Variants in CCNY observed in about 807,000 individuals in gnomAD.
The protein encoded by CCNY is cyclin-Y.
A neutral mutation model predicts 42.8 loss-of-function variants in CCNY; 19 were observed. That is an observed-to-expected ratio of 0.44 (90% CI 0.31 to 0.65). The LOEUF (loss-of-function observed/expected upper bound fraction) is 0.65. CCNY is among the 30% of genes least tolerant of loss of function. CCNY has a pLI of 0.07. For missense variants in CCNY, 370 were observed against 437.3 expected (o/e 0.85, Z 1.37); for synonymous variants, 165 against 162.7 (o/e 1.01, Z -0.11).
chr10:35,350,289 A>G (rs1011211773), intron 1 of CCNY, among the ~76,000 whole-genome samples: 1 of 152,006 alleles, frequency 6.6e-6, no homozygotes, highest in African/African-American at 2.4e-5. Flanking sequence ...TTTTTATTGA[A>G]AGAGTAGTAA....
chr10:35,327,244 T>C (rs1000177795), intron 3 of CCNY, among the ~76,000 whole-genome samples: 4 of 152,172 alleles, frequency 2.6e-5, no homozygotes, highest in African/African-American at 9.7e-5. Context: ...CCTAAAAACA[T>C]CTCTTTGCAT....
intron 3 of CCNY, among the ~76,000 whole-genome samples, chr10:35,315,671 G>A (rs1240227944): frequency 6.6e-6 from 1 of 152,150 alleles, no homozygotes; most frequent in Non-Finnish European, 1.5e-5. Flanking sequence ...TAAGTTCTTT[G>A]AGGAATTGCC....
chr10:35,466,505 T>C (rs1232351822), intron 1 of CCNY, among the ~76,000 whole-genome samples: 1 of 152,086 alleles, frequency 6.6e-6, no homozygotes, highest in East Asian at 1.9e-4. Flanking sequence ...CCAGTCCCAG[T>C]GTTGTGAATT....
intron 1 of CCNY, among the ~76,000 whole-genome samples, chr10:35,457,827 G>A (rs1589133768): frequency 2.0e-5 from 3 of 152,022 alleles, no homozygotes; most frequent in Admixed American, 6.6e-5. Flanking sequence ...TGATCCACCC[G>A]CCTCGGCCTC....
intron 3 of CCNY, among the ~76,000 whole-genome samples, chr10:35,302,188 C>T (rs1259263405): frequency 1.3e-5 from 2 of 150,456 alleles, no homozygotes; most frequent in African/African-American, 4.9e-5. Context: ...GTCTCGATCT[C>T]CTGACCTCAT....
In CCNY at chr10:35,403,028, A is replaced by G. The variant is rs1413746549; in HGVS notation, c.154+65821A>G. Among the ~76,000 whole-genome samples the G allele has an allele frequency of 2.0e-5, 3 of 149,226 alleles. No homozygotes were observed. In the East Asian group the frequency reaches 6.2e-4, roughly 31 times the overall value. On this transcript the variant is annotated intron_variant, in intron 1 of 9. Coordinates refer to ENST00000374704, the MANE Select transcript of CCNY (RefSeq NM_145012.6). ...TCTAGTGAAAGTGTCTACCCTGACCAAGTGGTATTTTGGTTTCCTGACTCC... is the reference window on the plus strand; with the variant it reads ...TCTAGTGAAAGTGTCTACCCTGACCGAGTGGTATTTTGGTTTCCTGACTCC...
intron 2 of CCNY, among the ~76,000 whole-genome samples, chr10:35,250,239 C>T (rs1459249843): frequency 6.6e-6 from 1 of 150,880 alleles, no homozygotes; most frequent in African/African-American, 2.4e-5. Context: ...GTGGTGGGCT[C>T]CTGTAATCCC....
chr10:35,483,257 C>T, intron 1 of CCNY, 147 bp from the exon 2 acceptor site: 2 of 616,802 alleles, frequency 3.2e-6, no homozygotes, highest in South Asian at 2.0e-5. Context: ...TGAATTGAAC[C>T]AAAAGAATCT....
intron 1 of CCNY, among the ~76,000 whole-genome samples, chr10:35,341,402 A>G (rs1001626877): frequency 6.6e-6 from 1 of 152,196 alleles, no homozygotes; most frequent in Non-Finnish European, 1.5e-5. Context: ...ATCCCAATGC[A>G]TATTCCCTGC....
chr10:35,459,438 C>T (rs766127552), intron 1 of CCNY, among the ~76,000 whole-genome samples: 4 of 152,150 alleles, frequency 2.6e-5, no homozygotes, highest in Non-Finnish European at 4.4e-5. Context: ...GTTAGTGTTA[C>T]TGTATTTTAT....
At chr10:35,491,765 C>A (rs1839902159) in intron 2 of CCNY, among the ~76,000 whole-genome samples, 1 of 152,060 alleles carries the variant, frequency 6.6e-6, no homozygotes, top group Non-Finnish European at 1.5e-5. Flanking sequence ...AGGTGCCTGC[C>A]CCCACACCTG....
chr10:35,551,822 A>T lies in CCNY; in HGVS notation c.580-1197A>T, dbSNP rs118010047. ...GGTATATAAAATCCTAATCGCAGTG[A>T]TATACGACTTCACACACATTAGGAT... is the stretch of plus-strand genomic sequence containing the variant. On this transcript the variant is annotated intron_variant, in intron 7 of 9. Coordinates refer to ENST00000374704, the MANE Select transcript of CCNY (RefSeq NM_145012.6). Among the ~76,000 whole-genome samples, 763 of 152,364 alleles carry T rather than the reference A, an allele frequency of 5.0e-3. 6 individuals are homozygous for T. Among genetic ancestry groups the T allele is most frequent in the Middle Eastern group, 0.01 (3 of 294 alleles).
intron 1 of CCNY, among the ~76,000 whole-genome samples, chr10:35,425,341 G>A (rs1838243363): frequency 6.6e-6 from 1 of 152,178 alleles, no homozygotes; most frequent in Non-Finnish European, 1.5e-5. Context: ...CTCGTAAACT[G>A]GTACTTCCTG....
At chr10:35,268,443 GC>G (rs1451472782) in intron 3 of CCNY, among the ~76,000 whole-genome samples, 1 of 152,086 alleles carries the variant, frequency 6.6e-6, no homozygotes, top group Non-Finnish European at 1.5e-5. Flanking sequence ...AGGCTTCCCT[GC>G]CCCCGTGGTT....
chr10:35,251,025 A>T (rs2095711616), intron 3 of CCNY: 1 of 152,228 alleles, frequency 6.6e-6, no homozygotes, highest in African/African-American at 2.4e-5. Flanking sequence ...ATCTTCTCGT[A>T]TCATTCCCAT....
intron 1 of CCNY, chr10:35,449,718 G>A (rs908794912): frequency 4.1e-6 from 4 of 983,762 alleles, no homozygotes; most frequent in African/African-American, 3.5e-5. Context: ...ACAGGTCAGA[G>A]AGGTGCAGGG....
chr10:35,487,377 A>G (rs1303515246), intron 2 of CCNY, among the ~76,000 whole-genome samples: 1 of 152,146 alleles, frequency 6.6e-6, no homozygotes, highest in African/African-American at 2.4e-5. Flanking sequence ...CAGTCATGTT[A>G]GGGCAGCTGC....
intron 1 of CCNY, among the ~76,000 whole-genome samples, chr10:35,432,245 A>G (rs1838429479): frequency 6.6e-6 from 1 of 152,196 alleles, no homozygotes; most frequent in South Asian, 2.1e-4. Flanking sequence ...ATTTCTCTCC[A>G]CTTCAGTGTC....
intron 3 of CCNY, among the ~76,000 whole-genome samples, chr10:35,322,413 G>A (rs1030493179): frequency 6.6e-6 from 1 of 150,506 alleles, no homozygotes; most frequent in Non-Finnish European, 1.5e-5. Context: ...ACATTTACAT[G>A]ATCTGAAGGG....
Sources: gnomAD v4.1 joint callset for allele counts (sites outside exome capture counted in the v4.1 genomes callset) on GRCh38, gnomAD v4.1.1 for gene constraint, MANE v1.5 for transcripts, NCBI Gene and HGNC (gene_info 2026-07-23, HGNC 2026-07-21) for gene names.